The following UST variants were observed in gnomAD, a reference collection of about 807,000 sequenced individuals.
UST encodes the protein uronyl 2-sulfotransferase.
A neutral mutation model predicts 45.6 loss-of-function variants in UST; 21 were observed. The ratio of observed to expected loss-of-function variants is 0.46; its 90% CI spans 0.33 to 0.66. UST has a LOEUF of 0.66. UST is among the 30% of genes least tolerant of loss of function. UST has a pLI of 0.02. For synonymous variants in UST, 215 were observed against 200.6 expected, an observed-to-expected ratio of 1.07 and a Z score of -0.61; for missense variants, 463 against 512.4, an observed-to-expected ratio of 0.90 and a Z score of 0.93.
chr6:148,750,171 A>G (rs1775962719), intron 1 of UST, among the ~76,000 whole-genome samples: 1 of 152,236 alleles, frequency 6.6e-6, no homozygotes, highest in African/African-American at 2.4e-5. Flanking sequence ...TTCCAAATCA[A>G]AATATGTTTA....
rs1486064463 is a variant in UST, at chr6:148,747,531, G to C, written c.101G>C (p.Arg34Pro). 4 of 1,549,338 alleles carry C rather than the reference G, an allele frequency of 2.6e-6. No homozygotes were observed. The highest frequency in any genetic ancestry group is 1.4e-5 in the African/African-American group (1 of 72,202). The change falls in exon 1 of 8, where the codon CGG becomes CCG. Residue 34 changes from arginine to proline, a missense_variant. Coordinates refer to ENST00000367463, the MANE Select transcript of UST (RefSeq NM_005715.3). ...CCGGGCCTGGGCAGCTGGAAGCGTCGGGTGCCCCTGCTGCCTTTCCTGCGC... is the reference window on the plus strand; with the variant it reads ...CCGGGCCTGGGCAGCTGGAAGCGTCCGGTGCCCCTGCTGCCTTTCCTGCGC... ...APPGLGSWKR[R>P]VPLLPFLRFS...
intron 5 of UST, among the ~76,000 whole-genome samples, chr6:148,998,804 G>A (rs1435706776): frequency 6.6e-6 from 1 of 152,220 alleles, no homozygotes; most frequent in Non-Finnish European, 1.5e-5. Context: ...CTTATAGGCC[G>A]AGGCTGCTGC....
chr6:148,928,931 A>T (rs1174545360), intron 2 of UST, among the ~76,000 whole-genome samples: 1 of 152,182 alleles, frequency 6.6e-6, no homozygotes, highest in Non-Finnish European at 1.5e-5. Flanking sequence ...AAAGGAATGT[A>T]TTTCATCTCT....
At chr6:148,759,907 A>G (rs1402082754) in intron 1 of UST, among the ~76,000 whole-genome samples, 1 of 147,750 alleles carries the variant, frequency 6.8e-6, no homozygotes, top group East Asian at 2.0e-4. Context: ...CTCCCAGGGG[A>G]GAGTGTTTCT....
Position 148,845,119 on chromosome 6 carries a change from A to G in UST, c.248-41867A>G, listed in dbSNP as rs531829756. 2.6e-5 allele frequency among the ~76,000 whole-genome samples: 4 copies of G among 152,298 alleles called. No homozygotes were observed. In the South Asian group the frequency reaches 6.2e-4, roughly 24 times the overall value. On this transcript the variant is annotated intron_variant, in intron 1 of 7. Coordinates refer to ENST00000367463, the MANE Select transcript of UST (RefSeq NM_005715.3). ...TAAGAGTGCATGTGTCTTTTTTGGT[A>G]TAATGATCTGTATTCCTTCGGGTAT...
chr6:148,877,970 G>T (rs111880356), intron 1 of UST, among the ~76,000 whole-genome samples: 80 of 90,430 alleles, frequency 8.8e-4, no homozygotes, highest in African/African-American at 2.5e-3. Context: ...TGTATGAGTG[G>T]GGGGATCGTG....
chr6:148,800,513 T>A (rs1231136615), intron 1 of UST, among the ~76,000 whole-genome samples: 1 of 152,144 alleles, frequency 6.6e-6, no homozygotes, highest in African/African-American at 2.4e-5. Flanking sequence ...GTCCTTGTCT[T>A]ATGGTATGAG....
intron 2 of UST, among the ~76,000 whole-genome samples, chr6:148,927,092 A>C (rs541666386): frequency 6.6e-6 from 1 of 152,232 alleles, no homozygotes; most frequent in East Asian, 1.9e-4. Context: ...TTCATCCATC[A>C]TTCAGTTGTC....
intron 5 of UST, among the ~76,000 whole-genome samples, chr6:148,988,395 G>A (rs1212260659): frequency 2.6e-5 from 4 of 151,764 alleles, no homozygotes; most frequent in Non-Finnish European, 5.9e-5. Flanking sequence ...CTAACATGAC[G>A]AAACCCTGAC....
At chr6:148,994,037 T>C (rs1781403851) in intron 5 of UST, among the ~76,000 whole-genome samples, 1 of 146,178 alleles carries the variant, frequency 6.8e-6, no homozygotes, top group African/African-American at 2.5e-5. Flanking sequence ...TGGCATGATC[T>C]TGGCTCACTG....
chr6:149,057,422 A>G (rs901360704), intron 7 of UST, among the ~76,000 whole-genome samples: 1 of 152,260 alleles, frequency 6.6e-6, no homozygotes. Flanking sequence ...TAAATGTCTT[A>G]AAGTTTCAGG....
intron 5 of UST, chr6:148,992,877 C>T (rs1297645070): frequency 2.4e-6 from 1 of 423,346 alleles, no homozygotes; most frequent in African/African-American, 2.2e-5. Flanking sequence ...CTTTAGCAGT[C>T]TAGTGAAGTC....
At chr6:148,900,250 G>C (rs1482965853) in intron 2 of UST, among the ~76,000 whole-genome samples, 1 of 152,062 alleles carries the variant, frequency 6.6e-6, no homozygotes, top group African/African-American at 2.4e-5. Context: ...CGGCTTGCTC[G>C]CTCAACCTCA....
intron 2 of UST, among the ~76,000 whole-genome samples, chr6:148,926,940 T>C (rs1449086047): frequency 3.5e-5 from 5 of 140,896 alleles, no homozygotes; most frequent in African/African-American, 1.4e-4. Flanking sequence ...GTAATAGGTT[T>C]GAAAAAATGT....
intron 7 of UST, among the ~76,000 whole-genome samples, chr6:149,054,514 G>A (rs1482771337): frequency 6.6e-6 from 1 of 152,074 alleles, no homozygotes; most frequent in African/African-American, 2.4e-5. Flanking sequence ...GCTGGAGTTG[G>A]GGGACACCGA....
chr6:148,784,195 C>T (rs187718371), intron 1 of UST, among the ~76,000 whole-genome samples: 19 of 152,204 alleles, frequency 1.2e-4, no homozygotes, highest in Admixed American at 5.9e-4. Flanking sequence ...AAAGGTAACA[C>T]TAAAAATAAA....
At chr6:148,815,461 G>A (rs966789585) in intron 1 of UST, among the ~76,000 whole-genome samples, 1 of 152,176 alleles carries the variant, frequency 6.6e-6, no homozygotes, top group African/African-American at 2.4e-5. Context: ...AAGAGGGCAG[G>A]AAGCCAAGCC....
intron 5 of UST, among the ~76,000 whole-genome samples, chr6:149,003,101 C>T (rs1781583895): frequency 1.3e-5 from 2 of 152,096 alleles, no homozygotes; most frequent in Admixed American, 6.6e-5. Flanking sequence ...TTTTGAACTA[C>T]CCTAAATTAA....
At chr6:148,778,437 G>A (rs1776575679) in intron 1 of UST, among the ~76,000 whole-genome samples, 4 of 152,216 alleles carry the variant, frequency 2.6e-5, no homozygotes, top group Admixed American at 2.0e-4. Context: ...CCAGGGCCCA[G>A]GCAGACATAC....
Sources: allele counts gnomAD v4.1 joint callset (sites outside exome capture counted in the v4.1 genomes callset), GRCh38; gene constraint gnomAD v4.1.1; transcripts MANE v1.5; gene names NCBI Gene and HGNC (gene_info 2026-07-23, HGNC 2026-07-21).